The following TBC1D14 variants were observed in gnomAD, a reference collection of about 807,000 sequenced individuals.
TBC1D14 encodes TBC1 domain family, member 14.
TBC1D14 carries 26 observed loss-of-function variants against 79.0 expected under a neutral mutation model. The observed-to-expected ratio is 0.33, with a 90% CI of 0.24 to 0.46. TBC1D14 has a LOEUF of 0.46. Among genes scored for constraint, TBC1D14 ranks in the 20% least tolerant of loss-of-function variants. TBC1D14 has a pLI of 1.00. For synonymous variants in TBC1D14, 394 were observed against 349.9 expected, an observed-to-expected ratio of 1.13 and a Z score of -1.40; for missense variants, 769 against 887.6, an observed-to-expected ratio of 0.87 and a Z score of 1.70.
intron 2 of TBC1D14, among the ~76,000 whole-genome samples, chr4:6,926,438 G>A (rs750433497): frequency 1.3e-5 from 2 of 152,130 alleles, no homozygotes; most frequent in Non-Finnish European, 2.9e-5. Context: ...TAAAGCTACC[G>A]TTTCTTGGAA....
intron 3 of TBC1D14, among the ~76,000 whole-genome samples, chr4:6,990,843 C>G (rs1247574823): frequency 6.6e-6 from 1 of 152,242 alleles, no homozygotes; most frequent in Non-Finnish European, 1.5e-5. Context: ...ACTTCCAGAG[C>G]CTTATCCCTT....
At chr4:6,917,394 T>G (rs1723489200) in intron 1 of TBC1D14, among the ~76,000 whole-genome samples, 1 of 151,990 alleles carries the variant, frequency 6.6e-6, no homozygotes, top group African/African-American at 2.4e-5. Context: ...TCAGGTGGGG[T>G]GTAGCCAAAA....
chr4:7,024,154 G>A (rs1169299225), intron 12 of TBC1D14, among the ~76,000 whole-genome samples: 1 of 152,218 alleles, frequency 6.6e-6, no homozygotes, highest in East Asian at 1.9e-4. Flanking sequence ...AGGTTGACCA[G>A]TGTGCGGGGT....
intron 2 of TBC1D14, among the ~76,000 whole-genome samples, chr4:6,941,983 A>G (rs1712954418): frequency 6.6e-6 from 1 of 152,198 alleles, no homozygotes; most frequent in Non-Finnish European, 1.5e-5. Flanking sequence ...ACAGGAATAC[A>G]CGGGCTTTGA....
At position 6,923,911 on chromosome 4, in the gene TBC1D14, T is replaced by TGAG; in HGVS notation, c.525_527dup (p.Glu175dup). The TGAG allele has an allele frequency of 1.2e-6, 2 of 1,614,146 alleles. No homozygotes were observed. The highest frequency in any genetic ancestry group is 1.7e-6 in the Non-Finnish European group (2 of 1,180,032). ...TGTCCACCACGCTGTCCGTCAGCAATGAGGACATCTTGGACCTTGTGGTCA... is the reference window on the plus strand; with the variant it reads ...TGTCCACCACGCTGTCCGTCAGCAATGAGGAGGACATCTTGGACCTTGTGGTCA... On this transcript the variant is annotated inframe_insertion, in exon 2 of 14. Transcript: ENST00000409757.
chr4:6,944,250 T>C (rs1241868142), intron 2 of TBC1D14, among the ~76,000 whole-genome samples: 2 of 152,224 alleles, frequency 1.3e-5, no homozygotes, highest in Non-Finnish European at 2.9e-5. Context: ...GGTGTCCTGC[T>C]TTTCTACGTA....
At chr4:7,010,031 G>A (rs1309694122) in intron 10 of TBC1D14, 83 bp downstream of exon 10, 19 of 1,481,566 alleles carry the variant, frequency 1.3e-5, no homozygotes, top group Non-Finnish European at 1.5e-5. Flanking sequence ...AGCTGCAAAT[G>A]TCATGCCAGT....
intron 13 of TBC1D14, among the ~76,000 whole-genome samples, chr4:7,025,628 A>G (rs909186685): frequency 2.6e-5 from 4 of 152,196 alleles, no homozygotes; most frequent in African/African-American, 9.6e-5. Flanking sequence ...AGCAAAGTGG[A>G]CCCACTTACT....
intron 11 of TBC1D14, among the ~76,000 whole-genome samples, chr4:7,012,800 A>T (rs1720904341): frequency 6.6e-6 from 1 of 152,220 alleles, no homozygotes; most frequent in Admixed American, 6.5e-5. Flanking sequence ...TACAGGTATG[A>T]CTTTCATAAT....
chr4:6,953,858 C>A (rs1056076921), intron 2 of TBC1D14, among the ~76,000 whole-genome samples: 4 of 150,276 alleles, frequency 2.7e-5, no homozygotes, highest in Non-Finnish European at 5.9e-5. Context: ...ACACTGCAGA[C>A]GCTCAGGAAG....
chr4:6,998,570 G>A (rs1028595983), intron 5 of TBC1D14, among the ~76,000 whole-genome samples: 4 of 146,184 alleles, frequency 2.7e-5, no homozygotes, highest in Non-Finnish European at 4.5e-5. Context: ...GTGTAGTCTC[G>A]CTCTGTTGCC....
chr4:6,927,256 A>T (rs1409820947), intron 2 of TBC1D14, among the ~76,000 whole-genome samples: 4 of 151,462 alleles, frequency 2.6e-5, no homozygotes, highest in Admixed American at 2.0e-4. Flanking sequence ...AAGGCATTTC[A>T]CGGGCTATGG....
At chr4:6,993,424 C>T (rs930075360) in intron 3 of TBC1D14, among the ~76,000 whole-genome samples, 1 of 152,140 alleles carries the variant, frequency 6.6e-6, no homozygotes, top group Non-Finnish European at 1.5e-5. Flanking sequence ...ACGGGTGAAT[C>T]GGTGACCCAG....
intron 2 of TBC1D14, among the ~76,000 whole-genome samples, chr4:6,935,510 G>C (rs1351323759): frequency 3.9e-5 from 6 of 152,018 alleles, no homozygotes; most frequent in Non-Finnish European, 8.8e-5. Flanking sequence ...AGGCACTCTC[G>C]TGCGTGCTCT....
At chr4:7,014,346 G>T (rs1721078187) in intron 11 of TBC1D14, 102 bp from the exon 12 acceptor site, 1 of 695,996 alleles carries the variant, frequency 1.4e-6, no homozygotes, top group Admixed American at 2.4e-5. Flanking sequence ...AATTACAGAA[G>T]AAGGTAATTG....
At chr4:6,994,121 C>G in intron 3 of TBC1D14, 63 bp from the exon 4 acceptor site, 2 of 1,388,298 alleles carry the variant, frequency 1.4e-6, no homozygotes, top group South Asian at 1.2e-5. Flanking sequence ...AACTTTCTTA[C>G]TTTCCGAAGG....
intron 2 of TBC1D14, among the ~76,000 whole-genome samples, chr4:6,943,947 C>G (rs1006505484): frequency 2.0e-5 from 3 of 152,212 alleles, no homozygotes; most frequent in South Asian, 2.1e-4. Context: ...TTCGGTCTCC[C>G]ATATGGGGTC....
intron 12 of TBC1D14, among the ~76,000 whole-genome samples, chr4:7,021,425 C>T (rs1300388982): frequency 6.6e-6 from 1 of 152,076 alleles, no homozygotes; most frequent in East Asian, 1.9e-4. Flanking sequence ...CAGTGAGACC[C>T]TATGTCTACA....
At chr4:7,021,689 TTTTA>T (rs1721852913) in intron 12 of TBC1D14, among the ~76,000 whole-genome samples, 1 of 151,848 alleles carries the variant, frequency 6.6e-6, no homozygotes, top group African/African-American at 2.4e-5. Context: ...AAAAACATAC[TTTTA>T]TTTATTACTT....
Sources: gnomAD v4.1 joint callset for allele counts (sites outside exome capture counted in the v4.1 genomes callset) on GRCh38, gnomAD v4.1.1 for gene constraint, MANE v1.5 for transcripts, NCBI Gene and HGNC (gene_info 2026-07-23, HGNC 2026-07-21) for gene names.